The following NID1 variants were observed in gnomAD, a reference collection of about 807,000 sequenced individuals.
NID1 encodes the protein nidogen 1, also known as nidogen-1.
Under a neutral mutation model 130.6 loss-of-function variants are expected in NID1, and 76 were observed. The observed-to-expected ratio is 0.58, with a 90% CI of 0.48 to 0.70. The LOEUF is 0.70. Among genes scored for constraint, NID1 ranks in the 30% least tolerant of loss-of-function variants. The pLI is 0.00. For missense variants in NID1, 1,517 were observed against 1,664.8 expected, an observed-to-expected ratio of 0.91 and a Z score of 1.54; for synonymous variants, 665 against 675.1, an observed-to-expected ratio of 0.98 and a Z score of 0.23.
chr1:235,992,518 G>A (rs1269921392), intron 13 of NID1, among the ~76,000 whole-genome samples: 2 of 152,158 alleles, frequency 1.3e-5, no homozygotes, highest in Admixed American at 6.5e-5. Context: ...TGGCTCACAC[G>A]GTGCTGCTTC....
chr1:236,064,307 C>A (rs1660128199), intron 1 of NID1, among the ~76,000 whole-genome samples: 1 of 152,230 alleles, frequency 6.6e-6, no homozygotes, highest in Non-Finnish European at 1.5e-5. Flanking sequence ...ACTCTGGACT[C>A]TGAAACGAGC....
chr1:236,050,040 GA>G (rs61477102), intron 1 of NID1, among the ~76,000 whole-genome samples: 12,075 of 130,538 alleles, frequency 0.093, 1,384 homozygotes, highest in African/African-American at 0.29. Flanking sequence ...CATCTCAGGG[GA>G]AAAAAAAAAA....
At chr1:235,992,858 T>TC (rs773692964) in intron 13 of NID1, among the ~76,000 whole-genome samples, 5 of 152,224 alleles carry the variant, frequency 3.3e-5, no homozygotes, top group Admixed American at 3.3e-4. Flanking sequence ...ATTCAAAGAT[T>TC]CATTATATTC....
intron 12 of NID1, among the ~76,000 whole-genome samples, chr1:236,004,097 G>A (rs1485161657): frequency 6.6e-6 from 1 of 151,996 alleles, no homozygotes; most frequent in African/African-American, 2.4e-5. Context: ...ACAAAGGGAG[G>A]GTTGTTGCTG....
intron 9 of NID1, among the ~76,000 whole-genome samples, chr1:236,018,587 G>T (rs753103191): frequency 6.6e-5 from 10 of 152,178 alleles, no homozygotes; most frequent in Admixed American, 4.6e-4. Context: ...CCACTGATGG[G>T]TTGAAATGAA....
chr1:236,061,046 T>C (rs2102854241), intron 1 of NID1, among the ~76,000 whole-genome samples: 1 of 152,348 alleles, frequency 6.6e-6, no homozygotes, highest in East Asian at 1.9e-4. Flanking sequence ...ATGAACAGTA[T>C]ATCAGTGTTA....
rs1415609815 is a variant in NID1 at position 235,981,617 on chromosome 1, A to G, written c.3221T>C (p.Val1074Ala). The change falls in exon 16 of 20, where the codon GTG (valine) becomes GCG (alanine). Residue 1074 changes from valine (V) to alanine (A), a missense_variant. Coordinates refer to ENST00000264187, the MANE Select transcript of NID1 (RefSeq NM_002508.3). ...CATATTTACACAAAGATACCCTCTC[A>G]CGGAATCCGTTACAATGCCTCTGGG... ...VNPRGIVTDS[V>A]RGNLYWTDWN... The G allele has an allele frequency of 1.2e-6, 2 of 1,611,440 alleles. No homozygotes were observed. The highest frequency in any genetic ancestry group is 2.7e-5 in the African/African-American group (2 of 74,798).
chr1:236,045,231 A>G (rs1006836974), intron 3 of NID1, among the ~76,000 whole-genome samples: 1 of 139,524 alleles, frequency 7.2e-6, no homozygotes, highest in African/African-American at 2.7e-5. Context: ...AAAAAAAAAA[A>G]AGAACTATTT....
At chr1:236,035,807 A>G (rs575273558) in intron 5 of NID1, among the ~76,000 whole-genome samples, 1 of 152,298 alleles carries the variant, frequency 6.6e-6, no homozygotes, top group African/African-American at 2.4e-5. Flanking sequence ...ACGTTGCATC[A>G]TTACTCCGGG....
Position 236,013,487 on chromosome 1 carries a change from C to T in NID1, c.2328G>A (p.Gln776=), listed in dbSNP as rs1658493700. The T allele has an allele frequency of 6.2e-7, 1 of 1,613,522 alleles. No individual in the cohort carries two copies. Among genetic ancestry groups the T allele is most frequent in the African/African-American group, 1.3e-5 (1 of 74,718 alleles). Residue 776 remains glutamine (Q), a synonymous_variant, in exon 11 of 20, where the codon CAG becomes CAA. Transcript: ENST00000264187. ...AGGAGGAGCCTCCTGTGTAGATACA[C>T]TGGGCCCGCTGGGGTATGTCGCAGT... The part of the protein sequence containing the change: ...LHNCDIPQRA[Q]CIYTGGSSYT...
Position 236,011,919 on chromosome 1 carries a change from A to G in NID1, c.2527+2T>C. 6.2e-7 allele frequency: 1 copy of G among 1,613,544 alleles called. No homozygotes were observed. Among genetic ancestry groups the G allele is most frequent in the Non-Finnish European group, 8.5e-7 (1 of 1,179,978 alleles). ...CCGACTCCAGATGTCCCACCACCTTACCTCCGGGCACGCAACGGAAGCCGT... is the reference window on the plus strand; with the variant it reads ...CCGACTCCAGATGTCCCACCACCTTGCCTCCGGGCACGCAACGGAAGCCGT... On this transcript the variant is annotated splice_donor_variant, in intron 12 of 19. Coordinates refer to ENST00000264187, the MANE Select transcript of NID1 (RefSeq NM_002508.3). LOFTEE classifies it high-confidence loss of function.
rs1449821833 is a variant in NID1, at chr1:236,065,086, G to T, written c.-7C>A. 6.5e-6 allele frequency: 10 copies of T among 1,548,980 alleles called. No homozygotes were observed. The highest frequency in any genetic ancestry group is 7.9e-6 in the Non-Finnish European group (9 of 1,146,284). On this transcript the variant is annotated 5_prime_UTR_variant, in exon 1 of 20. Transcript: ENST00000264187. The surrounding 1 kb of genome is among the most constrained non-coding windows in gnomAD (Gnocchi z 4.1). Reference sequence around the variant, plus strand: ...GGCTGCTCGAGGCCAACATGTTCCCGAACTGCGGTCCCGCAAACCCGGTCC... The same window carrying T: ...GGCTGCTCGAGGCCAACATGTTCCCTAACTGCGGTCCCGCAAACCCGGTCC...
intron 1 of NID1, among the ~76,000 whole-genome samples, chr1:236,051,690 G>A (rs1659766594): frequency 6.6e-6 from 1 of 152,198 alleles, no homozygotes; most frequent in Non-Finnish European, 1.5e-5. Flanking sequence ...AAGCATCCCA[G>A]GGAGCTGCCG....
chr1:236,051,101 A>G (rs1041478885), intron 1 of NID1, among the ~76,000 whole-genome samples: 14 of 150,772 alleles, frequency 9.3e-5, no homozygotes, highest in Non-Finnish European at 1.8e-4. Context: ...AAAGAGAGAA[A>G]GAAGAAGATT....
At chr1:236,014,216 C>A (rs906770663) in intron 10 of NID1, among the ~76,000 whole-genome samples, 4 of 151,040 alleles carry the variant, frequency 2.6e-5, no homozygotes, top group African/African-American at 9.8e-5. Context: ...CCCCCACCCC[C>A]TCAACTCTCT....
chr1:236,049,933 G>A (rs945526415), intron 1 of NID1, among the ~76,000 whole-genome samples: 23 of 151,916 alleles, frequency 1.5e-4, no homozygotes, highest in Non-Finnish European at 2.4e-4. Context: ...CTACTCGGGC[G>A]GCTGAGGCAG....
intron 1 of NID1, among the ~76,000 whole-genome samples, chr1:236,057,400 A>G (rs1043066857): frequency 1.8e-4 from 28 of 152,078 alleles, no homozygotes; most frequent in Non-Finnish European, 2.9e-5. Flanking sequence ...CCTAGTTAAC[A>G]CTACATGCTT....
chr1:235,991,183 A>G (rs1399571119), intron 13 of NID1, 125 bp from the exon 14 acceptor site: 1 of 745,358 alleles, frequency 1.3e-6, no homozygotes, highest in Non-Finnish European at 2.0e-6. Flanking sequence ...ATCAGGTCAC[A>G]TCACCTTCAT....
chr1:236,004,032 CA>C (rs36021098), intron 12 of NID1, among the ~76,000 whole-genome samples: 141 of 116,366 alleles, frequency 1.2e-3, no homozygotes, highest in African/African-American at 3.2e-3. Flanking sequence ...GACTCTGTCT[CA>C]AAAAAAAAAA....
Sources: allele counts gnomAD v4.1 joint callset (sites outside exome capture counted in the v4.1 genomes callset), GRCh38; gene constraint gnomAD v4.1.1; non-coding constraint Gnocchi (gnomAD v3.1); transcripts MANE v1.5; gene names NCBI Gene and HGNC (gene_info 2026-07-23, HGNC 2026-07-21).